BOC: variants seen among roughly 807,000 people sequenced by gnomAD.
BOC encodes the protein BOC cell adhesion associated, oncogene regulated, also known as brother of CDO.
Under a neutral mutation model 112.0 loss-of-function variants are expected in BOC, and 76 were observed. The ratio of observed to expected loss-of-function variants is 0.68; its 90% CI spans 0.56 to 0.82. BOC has a LOEUF of 0.82. BOC is among the 40% of genes least tolerant of loss of function. BOC has a pLI of 0.00. For synonymous variants in BOC, 580 were observed against 599.8 expected (o/e 0.97, Z 0.48); for missense variants, 1,309 against 1,511.7 (o/e 0.87, Z 2.22).
Position 113,285,617 on chromosome 3 carries a change from G to T in BOC, c.3160+52G>T. The T allele has an allele frequency of 3.4e-6, 5 of 1,462,042 alleles. No individual in the cohort carries two copies. In the South Asian group the frequency reaches 5.6e-5, roughly 17 times the overall value. The allele number at this position is 1,462,042 out of a possible 1,614,324, so 90.6% of individuals were successfully genotyped here. ...ATTAAACAGGCTGGGGGTGACATGA[G>T]GTAGGCATCCACAAGCCAGTAGTAA... On this transcript the variant is annotated intron_variant, in intron 19 of 19. Coordinates refer to ENST00000682979, the MANE Select transcript of BOC (RefSeq NM_001378074.1).
intron 4 of BOC, among the ~76,000 whole-genome samples, chr3:113,265,659 C>T (rs1232722619): frequency 6.6e-6 from 1 of 152,260 alleles, no homozygotes; most frequent in Non-Finnish European, 1.5e-5. Context: ...TAGTCCAAAC[C>T]TTCCTCTTCT....
At chr3:113,215,269 G>A (rs1051246982) in intron 1 of BOC, among the ~76,000 whole-genome samples, 18 of 152,186 alleles carry the variant, frequency 1.2e-4, no homozygotes, top group African/African-American at 4.1e-4. Context: ...CCTAAAGAAG[G>A]TTTTGCTTCT....
At chr3:113,250,327 G>T in intron 3 of BOC, among the ~76,000 whole-genome samples, 1 of 152,196 alleles carries the variant, frequency 6.6e-6, no homozygotes, top group Non-Finnish European at 1.5e-5. Flanking sequence ...ACTCAGGTCT[G>T]TCCAAATGCA....
chr3:113,275,871 G>A (rs979280513), intron 9 of BOC, among the ~76,000 whole-genome samples: 3 of 152,116 alleles, frequency 2.0e-5, no homozygotes, highest in Admixed American at 1.3e-4. Flanking sequence ...GTCAGGACAA[G>A]TCCACAGAGA....
chr3:113,215,726 G>C (rs1450558557), intron 1 of BOC, among the ~76,000 whole-genome samples: 14 of 152,208 alleles, frequency 9.2e-5, no homozygotes, highest in Non-Finnish European at 1.5e-5. Flanking sequence ...CTGCTGTGTA[G>C]CTCTGTCCTA....
At chr3:113,236,290 A>ATATATATATATATACACATGGG (rs1553726881) in intron 2 of BOC, among the ~76,000 whole-genome samples, 3 of 39,648 alleles carry the variant, frequency 7.6e-5, no homozygotes, top group East Asian at 2.5e-3. Context: ...GGGTATATAT[A>ATATATATATATATACACATGGG]TATATATATA....
At chr3:113,241,432 C>T (rs918136287) in intron 2 of BOC, among the ~76,000 whole-genome samples, 8 of 152,118 alleles carry the variant, frequency 5.3e-5, no homozygotes, top group Non-Finnish European at 1.2e-4. Flanking sequence ...CCTCTGCTCT[C>T]CCGGGAACTC....
At chr3:113,251,709 C>G (rs1458088177) in intron 4 of BOC, 1 of 152,222 alleles carries the variant, frequency 6.6e-6, no homozygotes, top group African/African-American at 2.4e-5. Flanking sequence ...TCTAAGGTCC[C>G]TCCCAACTGA....
At chr3:113,224,089 G>GCC (rs1941234312) in intron 2 of BOC, among the ~76,000 whole-genome samples, 1 of 152,228 alleles carries the variant, frequency 6.6e-6, no homozygotes. Flanking sequence ...TGTTTTACTT[G>GCC]CTTTGGAGCT....
intron 1 of BOC, among the ~76,000 whole-genome samples, chr3:113,213,638 G>C (rs1321114455): frequency 6.6e-6 from 1 of 152,184 alleles, no homozygotes; most frequent in African/African-American, 2.4e-5. Flanking sequence ...TTTGAGGTGT[G>C]TAACAGGTTT....
chr3:113,228,431 C>G lies in BOC; in HGVS notation c.-82+12157C>G, dbSNP rs144169711. On this transcript the variant is annotated intron_variant, in intron 2 of 19. Coordinates refer to ENST00000682979, the MANE Select transcript of BOC (RefSeq NM_001378074.1). ...TAGGAGAGACTGGGGCAGAACTGCTCTCTGTGCCTGGCCCCCAGATTCAGT... is the reference window on the plus strand; with the variant it reads ...TAGGAGAGACTGGGGCAGAACTGCTGTCTGTGCCTGGCCCCCAGATTCAGT... 2.7e-3 allele frequency among the ~76,000 whole-genome samples: 416 copies of G among 152,222 alleles called. 4 individuals carry two copies. Among genetic ancestry groups the G allele is most frequent in the South Asian group, 6.0e-3 (29 of 4,812 alleles).
intron 3 of BOC, 37 bp from the exon 4 acceptor site, chr3:113,250,518 G>T (rs199851306): frequency 6.4e-7 from 1 of 1,558,298 alleles, no homozygotes; most frequent in Non-Finnish European, 8.7e-7. Flanking sequence ...TTTCTTGGGG[G>T]CATCAGTTCA....
intron 4 of BOC, among the ~76,000 whole-genome samples, chr3:113,256,759 G>A (rs2107484685): frequency 6.7e-6 from 1 of 149,846 alleles, no homozygotes; most frequent in African/African-American, 2.5e-5. Context: ...ACATATATGT[G>A]TGTGTGTGTG....
At chr3:113,245,483 C>A (rs1236260143) in intron 2 of BOC, among the ~76,000 whole-genome samples, 1 of 152,208 alleles carries the variant, frequency 6.6e-6, no homozygotes, top group South Asian at 2.1e-4. Flanking sequence ...TGCTTCAATG[C>A]CTCTCTTCTG....
Position 113,286,906 on chromosome 3 carries a change from TA to T in BOC, c.*55del, listed in dbSNP as rs5851892. On this transcript the variant is annotated 3_prime_UTR_variant, in exon 20 of 20. Transcript: ENST00000682979. ...GAAAGACTATATATTGTTTTTTTTT[TA>T]AAAAAAAAAAGAAGAAAAAAGAGAC... is the stretch of plus-strand genomic sequence containing the variant. The T allele has an allele frequency of 0.054, 66,230 of 1,227,218 alleles. 1,144 individuals carry two copies. The highest frequency in any genetic ancestry group is 0.11 in the East Asian group (4,192 of 36,908). 76.0% of individuals were successfully genotyped at this position (1,227,218 alleles called of 1,614,324 possible).
chr3:113,255,915 A>T (rs559130151), intron 4 of BOC, among the ~76,000 whole-genome samples: 3 of 152,368 alleles, frequency 2.0e-5, no homozygotes, highest in Non-Finnish European at 2.9e-5. Context: ...GCTAAAAAAA[A>T]TTTTTAAATT....
chr3:113,268,522 CAA>C, intron 5 of BOC, 77 bp downstream of exon 5: 1 of 1,426,446 alleles, frequency 7.0e-7, no homozygotes, highest in East Asian at 2.4e-5. Context: ...CGCTGCTCAA[CAA>C]AGCTAGGGCA....
intron 2 of BOC, among the ~76,000 whole-genome samples, chr3:113,240,383 G>T (rs553767320): frequency 1.3e-5 from 2 of 152,282 alleles, no homozygotes; most frequent in South Asian, 4.1e-4. Context: ...CTCTGTCAGG[G>T]TTATTGCCAC....
chr3:113,223,972 T>A (rs766112927), intron 2 of BOC, among the ~76,000 whole-genome samples: 2 of 152,228 alleles, frequency 1.3e-5, no homozygotes, highest in Non-Finnish European at 2.9e-5. Context: ...GCTGCCTGTG[T>A]TTGGGTTCCA....
Sources: gnomAD v4.1 joint callset for allele counts (sites outside exome capture counted in the v4.1 genomes callset) on GRCh38, gnomAD v4.1.1 for gene constraint, MANE v1.5 for transcripts, NCBI Gene and HGNC (gene_info 2026-07-23, HGNC 2026-07-21) for gene names.